RBFOX1: variants seen among roughly 807,000 people sequenced by gnomAD.
The protein encoded by RBFOX1 is RNA binding protein fox-1 homolog 1.
In RBFOX1, 8 loss-of-function variants were observed where a neutral mutation model predicts 57.7. The ratio of observed to expected loss-of-function variants is 0.14; its 90% CI spans 0.08 to 0.25. RBFOX1 has a LOEUF of 0.25. Among genes scored for constraint, RBFOX1 ranks in the 10% least tolerant of loss-of-function variants. RBFOX1 has a pLI of 1.00. For synonymous variants in RBFOX1, 326 were observed against 222.4 expected, an observed-to-expected ratio of 1.47 and a Z score of -4.15; for missense variants, 611 against 548.5, an observed-to-expected ratio of 1.11 and a Z score of -1.14.
chr16:6,460,227 G>C (rs1158376057), intron 2 of RBFOX1, among the ~76,000 whole-genome samples: 1 of 151,956 alleles, frequency 6.6e-6, no homozygotes. Context: ...TCCTTGGCTT[G>C]TACGTGGCCA....
intron 1 of RBFOX1, among the ~76,000 whole-genome samples, chr16:5,459,726 T>C (rs190308701): frequency 6.6e-6 from 1 of 152,138 alleles, no homozygotes; most frequent in African/African-American, 2.4e-5. Context: ...CATACACACA[T>C]GCACGCACAC....
At chr16:5,267,085 G>C (rs571265521) in intron 1 of RBFOX1, among the ~76,000 whole-genome samples, 1 of 151,592 alleles carries the variant, frequency 6.6e-6, no homozygotes, top group Admixed American at 6.6e-5. Flanking sequence ...GGAGTGTGTT[G>C]TGTACATCTC....
intron 3 of RBFOX1, among the ~76,000 whole-genome samples, chr16:5,629,440 G>C (rs185812201): frequency 9.1e-4 from 139 of 152,358 alleles, no homozygotes; most frequent in Middle Eastern, 3.4e-3. Flanking sequence ...TTGGCTACCA[G>C]TTTGTAGGGG....
At chr16:6,640,943 T>G (rs1039854030) in intron 2 of RBFOX1, among the ~76,000 whole-genome samples, 6 of 152,114 alleles carry the variant, frequency 3.9e-5, no homozygotes, top group Non-Finnish European at 7.3e-5. Flanking sequence ...ATAATGACTG[T>G]GGCAGCCATG....
chr16:6,958,568 A>T (rs1321994993), intron 3 of RBFOX1, among the ~76,000 whole-genome samples: 6 of 152,218 alleles, frequency 3.9e-5, no homozygotes, highest in African/African-American at 1.4e-4. Context: ...CAAGGAATTA[A>T]ACAACCAAAC....
chr16:6,512,572 T>A (rs767631141), intron 2 of RBFOX1, among the ~76,000 whole-genome samples: 11 of 152,126 alleles, frequency 7.2e-5, no homozygotes, highest in Admixed American at 2.0e-4. Flanking sequence ...CTCTTTTTAG[T>A]CTTCTGCCTC....
intron 2 of RBFOX1, among the ~76,000 whole-genome samples, chr16:6,566,539 G>T (rs1462998694): frequency 6.6e-6 from 1 of 152,144 alleles, no homozygotes; most frequent in African/African-American, 2.4e-5. Context: ...ACCATAGGCT[G>T]CTTATCCCTT....
chr16:6,897,924 G>C (rs1028193099), intron 3 of RBFOX1, among the ~76,000 whole-genome samples: 1 of 152,176 alleles, frequency 6.6e-6, no homozygotes, highest in Non-Finnish European at 1.5e-5. Context: ...TCAGACACGA[G>C]CTACCCTCTG....
intron 3 of RBFOX1, among the ~76,000 whole-genome samples, chr16:6,710,995 A>T (rs1032891892): frequency 1.3e-5 from 2 of 152,160 alleles, no homozygotes; most frequent in African/African-American, 4.8e-5. Flanking sequence ...TGAGCGGAAA[A>T]ATGGCACATA....
chr16:6,156,374 C>G (rs1256001703), intron 1 of RBFOX1, among the ~76,000 whole-genome samples: 1 of 152,200 alleles, frequency 6.6e-6, no homozygotes, highest in East Asian at 1.9e-4. Flanking sequence ...TCATGGTTGG[C>G]TTTGACTGAT....
chr16:6,835,752 TAAAAAAAAAAAAAA>T (rs56299805), intron 3 of RBFOX1, among the ~76,000 whole-genome samples: 2 of 76,964 alleles, frequency 2.6e-5, no homozygotes, highest in African/African-American at 5.2e-5. Context: ...AGACTCTGCT[TAAAAAAAAAAAAAA>T]AAAAAAAAAA....
intron 1 of RBFOX1, among the ~76,000 whole-genome samples, chr16:5,349,854 C>G (rs1001796080): frequency 2.6e-5 from 4 of 152,200 alleles, no homozygotes; most frequent in Admixed American, 2.6e-4. Context: ...AGGAAGCAGC[C>G]CTGCTGAGCA....
intron 2 of RBFOX1, among the ~76,000 whole-genome samples, chr16:5,488,789 G>A (rs2042731158): frequency 6.6e-6 from 1 of 150,424 alleles, no homozygotes; most frequent in Non-Finnish European, 1.5e-5. Flanking sequence ...GGAGATGATG[G>A]TGATGGAAGA....
chr16:7,012,002 A>G (rs577367874), intron 3 of RBFOX1, among the ~76,000 whole-genome samples: 23 of 152,308 alleles, frequency 1.5e-4, no homozygotes, highest in South Asian at 6.2e-4. Flanking sequence ...GTTCTGATCA[A>G]TGAGGTCTAG....
At chr16:5,636,109 A>T (rs1301666296) in intron 3 of RBFOX1, among the ~76,000 whole-genome samples, 1 of 152,044 alleles carries the variant, frequency 6.6e-6, no homozygotes, top group South Asian at 2.1e-4. Flanking sequence ...GCACTTTGGG[A>T]GGCAAAGGCG....
chr16:5,932,593 T>C (rs898474884), intron 4 of RBFOX1, among the ~76,000 whole-genome samples: 3 of 152,082 alleles, frequency 2.0e-5, no homozygotes, highest in Non-Finnish European at 4.4e-5. Context: ...TCTGCAGCAA[T>C]AGAAAACAAA....
chr16:5,820,449 G>A (rs539574949), intron 3 of RBFOX1, among the ~76,000 whole-genome samples: 49 of 152,222 alleles, frequency 3.2e-4, no homozygotes, highest in Admixed American at 1.1e-3. Flanking sequence ...GACCGTGCCG[G>A]GATTGATCAG....
chr16:7,131,204 G>A (rs118181199), intron 4 of RBFOX1, among the ~76,000 whole-genome samples: 1,906 of 152,018 alleles, frequency 0.013, 25 homozygotes, highest in Non-Finnish European at 0.018. Flanking sequence ...AAGTTAGCCA[G>A]GTGTGGTATC....
At chr16:7,091,542 G>A (rs2060856248) in intron 4 of RBFOX1, among the ~76,000 whole-genome samples, 1 of 151,642 alleles carries the variant, frequency 6.6e-6, no homozygotes, top group Non-Finnish European at 1.5e-5. Context: ...AAAAAAAGAA[G>A]AAAACGAAAA....
Sources: gnomAD v4.1 joint callset for allele counts (sites outside exome capture counted in the v4.1 genomes callset) on GRCh38, gnomAD v4.1.1 for gene constraint, MANE v1.5 for transcripts, NCBI Gene and HGNC (gene_info 2026-07-23, HGNC 2026-07-21) for gene names.